SUGCT: variants seen among roughly 807,000 people sequenced by gnomAD.
SUGCT encodes the protein succinyl-CoA:glutarate CoA-transferase.
SUGCT carries 41 observed loss-of-function variants against 55.0 expected under a neutral mutation model. That is an observed-to-expected ratio of 0.74 (90% CI 0.58 to 0.97). The LOEUF is 0.97. Ranked by LOEUF, SUGCT falls within the 50% of genes least tolerant of loss-of-function variation. The pLI, the probability that SUGCT is intolerant of heterozygous loss-of-function variation, is 0.00. For synonymous variants in SUGCT, 187 were observed against 200.4 expected, an observed-to-expected ratio of 0.93 and a Z score of 0.56; for missense variants, 568 against 547.8, an observed-to-expected ratio of 1.04 and a Z score of -0.37.
chr7:40,673,337 A>G (rs2151874142), intron 12 of SUGCT, among the ~76,000 whole-genome samples: 1 of 152,226 alleles, frequency 6.6e-6, no homozygotes, highest in Non-Finnish European at 1.5e-5. Context: ...CATGGATTCT[A>G]ATGCTGCTCT....
At chr7:40,681,717 C>A (rs1784253781) in intron 12 of SUGCT, among the ~76,000 whole-genome samples, 1 of 152,110 alleles carries the variant, frequency 6.6e-6, no homozygotes, top group Non-Finnish European at 1.5e-5. Context: ...AAAGGCAGGA[C>A]CTCTTGAAGT....
chr7:40,644,879 C>T (rs972721042), intron 12 of SUGCT, among the ~76,000 whole-genome samples: 3 of 152,146 alleles, frequency 2.0e-5, no homozygotes, highest in Non-Finnish European at 2.9e-5. Context: ...GCCTCCTGTC[C>T]GCACCTGGGT....
intron 9 of SUGCT, among the ~76,000 whole-genome samples, chr7:40,346,267 G>A (rs56133304): frequency 0.014 from 2,203 of 152,062 alleles, 46 homozygotes; most frequent in South Asian, 0.059. Context: ...TATTGACTGT[G>A]TTTTTCTAGA....
chr7:40,573,913 T>C (rs1206178155), intron 12 of SUGCT, among the ~76,000 whole-genome samples: 1 of 152,236 alleles, frequency 6.6e-6, no homozygotes, highest in Non-Finnish European at 1.5e-5. Flanking sequence ...TTCTTCTGCT[T>C]AAAACTGCCT....
the SUGCT span, among the ~76,000 whole-genome samples, chr7:41,028,222 G>A: frequency 6.6e-6 from 1 of 152,198 alleles, no homozygotes; most frequent in Admixed American, 6.5e-5. Flanking sequence ...AGAGAAAGAA[G>A]GAATGTTTTA....
chr7:40,470,454 C>T (rs912354989), intron 11 of SUGCT, among the ~76,000 whole-genome samples: 5 of 152,096 alleles, frequency 3.3e-5, no homozygotes, highest in Admixed American at 6.6e-5. Flanking sequence ...AGCTGTTTAG[C>T]GTTCTGGATC....
rs531729153 is a variant in SUGCT, at chr7:40,670,392, A to G, written c.1090-79042A>G. Among the ~76,000 whole-genome samples the G allele has an allele frequency of 2.2e-4, 34 of 152,240 alleles. No homozygotes were observed. The East Asian group carries it at 6.6e-3, about 29-fold the overall frequency. ...GGGCTGGTTTTATGAAAAGACCAATAAAATTGACAAACCTTTTCAAAGACT... is the reference window on the plus strand; with the variant it reads ...GGGCTGGTTTTATGAAAAGACCAATGAAATTGACAAACCTTTTCAAAGACT... On this transcript the variant is annotated intron_variant, in intron 12 of 13. Coordinates refer to ENST00000335693, the MANE Select transcript of SUGCT (RefSeq NM_001193313.2).
At chr7:40,676,691 C>T (rs555430593) in intron 12 of SUGCT, among the ~76,000 whole-genome samples, 4 of 151,796 alleles carry the variant, frequency 2.6e-5, no homozygotes, top group East Asian at 1.9e-4. Context: ...TTAGTAGAGA[C>T]GGGGTTTCAC....
At chr7:40,188,261 C>G (rs549381700) in intron 3 of SUGCT, among the ~76,000 whole-genome samples, 6 of 152,006 alleles carry the variant, frequency 3.9e-5, no homozygotes, top group African/African-American at 1.4e-4. Flanking sequence ...TGGTGAAATC[C>G]TGTCTCTACT....
the SUGCT span, among the ~76,000 whole-genome samples, chr7:40,951,434 G>GT: frequency 3.3e-5 from 5 of 152,138 alleles, no homozygotes; most frequent in East Asian, 3.9e-4. Context: ...TTTTTGAAGG[G>GT]TTTTTTGTGT....
At chr7:40,894,580 C>T in the SUGCT span, among the ~76,000 whole-genome samples, 34 of 152,228 alleles carry the variant, frequency 2.2e-4, no homozygotes, top group African/African-American at 7.9e-4. Flanking sequence ...CAACAAAGGT[C>T]TTATATCCAG....
chr7:40,225,742 G>A (rs763569184), intron 6 of SUGCT, among the ~76,000 whole-genome samples: 1 of 151,984 alleles, frequency 6.6e-6, no homozygotes, highest in African/African-American at 2.4e-5. Flanking sequence ...GGCTAAGATC[G>A]ATGAATTGTT....
At chr7:40,753,115 A>G (rs559192991) in intron 13 of SUGCT, among the ~76,000 whole-genome samples, 10 of 152,310 alleles carry the variant, frequency 6.6e-5, no homozygotes, top group African/African-American at 1.4e-4. Flanking sequence ...CTAATTCAGT[A>G]TATCCCAATA....
rs575175219 is a variant in SUGCT at position 40,528,466 on chromosome 7, G to C, written c.1089+32080G>C. 2.0e-5 allele frequency among the ~76,000 whole-genome samples: 3 copies of C among 152,200 alleles called. No homozygotes were observed. In the South Asian group the frequency reaches 6.2e-4, roughly 32 times the overall value. ...CTATTAGAAATCATTCTTTATTATA[G>C]TAATTTCTCCACACATTAAGAATGG... On this transcript the variant is annotated intron_variant, in intron 12 of 13. Transcript: ENST00000335693.
At chr7:40,432,218 C>T (rs543924218) in intron 9 of SUGCT, among the ~76,000 whole-genome samples, 1 of 152,234 alleles carries the variant, frequency 6.6e-6, no homozygotes, top group African/African-American at 2.4e-5. Flanking sequence ...TAGATTTCCT[C>T]ATTTTTGAAG....
chr7:41,009,817 T>A, the SUGCT span, among the ~76,000 whole-genome samples: 314 of 152,332 alleles, frequency 2.1e-3, 1 homozygote, highest in African/African-American at 6.8e-3. Context: ...CCCAGATGTG[T>A]TAAGTTTGAG....
At chr7:40,724,423 C>G (rs992993875) in intron 12 of SUGCT, among the ~76,000 whole-genome samples, 2 of 143,196 alleles carry the variant, frequency 1.4e-5, no homozygotes, top group Non-Finnish European at 3.0e-5. Flanking sequence ...AAATTAACGG[C>G]GTGGCAGCGT....
At chr7:40,505,719 G>C (rs530307541) in intron 12 of SUGCT, among the ~76,000 whole-genome samples, 1 of 151,882 alleles carries the variant, frequency 6.6e-6, no homozygotes, top group Non-Finnish European at 1.5e-5. Flanking sequence ...TATAGTATTA[G>C]ATTTATTTAA....
intron 6 of SUGCT, among the ~76,000 whole-genome samples, chr7:40,226,342 T>C (rs1428427498): frequency 1.3e-5 from 2 of 152,196 alleles, no homozygotes; most frequent in Non-Finnish European, 2.9e-5. Context: ...GCAAAACTTC[T>C]TTCCAAGTAA....
Sources: gnomAD v4.1 joint callset for allele counts (sites outside exome capture counted in the v4.1 genomes callset) on GRCh38, gnomAD v4.1.1 for gene constraint, MANE v1.5 for transcripts, NCBI Gene and HGNC (gene_info 2026-07-23, HGNC 2026-07-21) for gene names.